DOK6: variants seen among roughly 807,000 people sequenced by gnomAD.
The protein encoded by DOK6 is downstream of tyrosine kinase 6.
DOK6 carries 22 observed loss-of-function variants against 44.0 expected under a neutral mutation model. The observed-to-expected ratio is 0.50, with a 90% CI of 0.36 to 0.71. DOK6 has a LOEUF of 0.71. Among genes scored for constraint, DOK6 ranks in the 30% least tolerant of loss-of-function variants. The pLI is 0.00. For missense variants in DOK6, 340 were observed against 416.4 expected, an observed-to-expected ratio of 0.82 and a Z score of 1.60; for synonymous variants, 166 against 145.5, an observed-to-expected ratio of 1.14 and a Z score of -1.01.
chr18:69,573,578 A>G (rs1312682487), intron 2 of DOK6, among the ~76,000 whole-genome samples: 3 of 151,952 alleles, frequency 2.0e-5, no homozygotes, highest in Non-Finnish European at 4.4e-5. Flanking sequence ...GCAAAGTTCA[A>G]CCAATCCTGA....
intron 1 of DOK6, among the ~76,000 whole-genome samples, chr18:69,412,748 A>G (rs950755676): frequency 6.6e-6 from 1 of 152,130 alleles, no homozygotes; most frequent in Admixed American, 6.6e-5. Context: ...TTTGGAAAGT[A>G]CTCCCACATT....
chr18:69,782,242 C>T (rs1220260053), intron 7 of DOK6, among the ~76,000 whole-genome samples: 3 of 139,670 alleles, frequency 2.1e-5, no homozygotes, highest in Non-Finnish European at 4.5e-5. Context: ...GATGGTGTCT[C>T]GCTCTGTCAC....
At chr18:69,621,889 C>T (rs1984451617) in intron 3 of DOK6, among the ~76,000 whole-genome samples, 1 of 152,088 alleles carries the variant, frequency 6.6e-6, no homozygotes, top group Admixed American at 6.6e-5. Flanking sequence ...AAAAAATGAT[C>T]TTACAGTGTT....
At chr18:69,627,988 T>C (rs1467240668) in intron 3 of DOK6, among the ~76,000 whole-genome samples, 4 of 152,234 alleles carry the variant, frequency 2.6e-5, no homozygotes, top group Admixed American at 2.6e-4. Flanking sequence ...CCTCATTTTC[T>C]CCTTTAAATG....
intron 3 of DOK6, among the ~76,000 whole-genome samples, chr18:69,649,266 C>A (rs980974244): frequency 1.3e-5 from 2 of 152,122 alleles, no homozygotes; most frequent in African/African-American, 4.8e-5. Context: ...TACAATAAAG[C>A]TTTTCTCAAA....
chr18:69,613,321 A>G (rs888606067), intron 3 of DOK6, among the ~76,000 whole-genome samples: 2 of 152,322 alleles, frequency 1.3e-5, no homozygotes, highest in Non-Finnish European at 1.5e-5. Flanking sequence ...CTCTGCAAGT[A>G]AAACATTGCT....
chr18:69,546,212 G>T (rs1392532696), intron 1 of DOK6, among the ~76,000 whole-genome samples: 1 of 148,542 alleles, frequency 6.7e-6, no homozygotes, highest in Admixed American at 6.7e-5. Flanking sequence ...GGGAGGTCGA[G>T]GTTGCGGTGA....
chr18:69,445,369 G>A (rs1018551508), intron 1 of DOK6, among the ~76,000 whole-genome samples: 1 of 152,056 alleles, frequency 6.6e-6, no homozygotes, highest in African/African-American at 2.4e-5. Flanking sequence ...CTTGTTCCTA[G>A]TCTTAGAGGG....
intron 1 of DOK6, among the ~76,000 whole-genome samples, chr18:69,468,528 C>T (rs1979993233): frequency 6.6e-6 from 1 of 152,172 alleles, no homozygotes; most frequent in Non-Finnish European, 1.5e-5. Flanking sequence ...TGTCTGTACC[C>T]TTGAGAAGTG....
intron 7 of DOK6, among the ~76,000 whole-genome samples, chr18:69,814,702 G>A (rs1302767410): frequency 2.0e-5 from 3 of 152,136 alleles, no homozygotes; most frequent in Non-Finnish European, 2.9e-5. Flanking sequence ...TAGCATGAAG[G>A]AGAGAGAGTG....
chr18:69,628,838 G>GGA (rs1984619727), intron 3 of DOK6, among the ~76,000 whole-genome samples: 1 of 152,244 alleles, frequency 6.6e-6, no homozygotes, highest in East Asian at 1.9e-4. Context: ...CCTTCATGTG[G>GGA]GAAAGGCTTG....
intron 7 of DOK6, among the ~76,000 whole-genome samples, chr18:69,834,515 C>G (rs1981988795): frequency 6.6e-6 from 1 of 152,044 alleles, no homozygotes; most frequent in Admixed American, 6.6e-5. Flanking sequence ...TTCAAATTAG[C>G]TAGTAAAGAA....
intron 2 of DOK6, among the ~76,000 whole-genome samples, chr18:69,579,691 G>C (rs553498709): frequency 1.6e-4 from 25 of 152,008 alleles, no homozygotes; most frequent in Non-Finnish European, 3.2e-4. Flanking sequence ...AGCCTCCCGA[G>C]TAGCTGGAAT....
intron 1 of DOK6, among the ~76,000 whole-genome samples, chr18:69,476,518 G>A (rs932136843): frequency 6.6e-6 from 1 of 151,630 alleles, no homozygotes; most frequent in Admixed American, 6.6e-5. Flanking sequence ...CTCAGAAGGA[G>A]GGATTAGAGA....
chr18:69,707,724 T>C (rs1239438995), intron 5 of DOK6, among the ~76,000 whole-genome samples: 1 of 152,220 alleles, frequency 6.6e-6, no homozygotes, highest in Non-Finnish European at 1.5e-5. Flanking sequence ...AGGTGTCCCT[T>C]CTGTTCATAG....
chr18:69,725,613 G>A (rs564640899), intron 5 of DOK6, among the ~76,000 whole-genome samples: 15 of 152,168 alleles, frequency 9.9e-5, no homozygotes, highest in African/African-American at 2.6e-4. Context: ...TCAGCCTCCC[G>A]AGGAGGTGGG....
At chr18:69,434,573 GA>G (rs1978895237) in intron 1 of DOK6, among the ~76,000 whole-genome samples, 2 of 144,804 alleles carry the variant, frequency 1.4e-5, no homozygotes, top group South Asian at 2.3e-4. Flanking sequence ...GGCGGATCAC[GA>G]GGTTAGAGCA....
chr18:69,828,591 T>A (rs1201306578), intron 7 of DOK6, among the ~76,000 whole-genome samples: 1 of 151,712 alleles, frequency 6.6e-6, no homozygotes, highest in African/African-American at 2.4e-5. Context: ...TATGAAAATA[T>A]AATTCTATTT....
At chr18:69,664,947 G>C (rs140405213) in intron 3 of DOK6, among the ~76,000 whole-genome samples, 303 of 152,294 alleles carry the variant, frequency 2.0e-3, no homozygotes, top group African/African-American at 7.0e-3. Context: ...GGGGGGCCAA[G>C]GTGGGTGGGT....
Sources: gnomAD v4.1 joint callset for allele counts (sites outside exome capture counted in the v4.1 genomes callset) on GRCh38, gnomAD v4.1.1 for gene constraint, MANE v1.5 for transcripts, NCBI Gene and HGNC (gene_info 2026-07-23, HGNC 2026-07-21) for gene names.